SYCE3: variants seen among roughly 807,000 people sequenced by gnomAD.
The protein encoded by SYCE3 is synaptonemal complex central element protein 3.
Under a neutral mutation model 8.1 loss-of-function variants are expected in SYCE3, and 3 were observed. The observed-to-expected ratio is 0.37, with a 90% CI of 0.17 to 0.96. The LOEUF (loss-of-function observed/expected upper bound fraction) is 0.96, where lower values mean the gene tolerates loss of function less well. Among genes scored for constraint, SYCE3 ranks in the 40% least tolerant of loss-of-function variants. The pLI is 0.41. For synonymous variants in SYCE3, 36 were observed against 38.7 expected (o/e 0.93, Z 0.26); for missense variants, 83 against 110.0 (o/e 0.75, Z 1.10).
At chr22:50,558,253 G>A (rs1046644844) in intron 1 of SYCE3, among the ~76,000 whole-genome samples, 1 of 151,982 alleles carries the variant, frequency 6.6e-6, no homozygotes, top group African/African-American at 2.4e-5. Flanking sequence ...GTGAAACCCA[G>A]TCTCTACTAA....
intron 1 of SYCE3, among the ~76,000 whole-genome samples, chr22:50,557,935 G>A (rs2069876963): frequency 6.6e-6 from 1 of 152,082 alleles, no homozygotes; most frequent in South Asian, 2.1e-4. Context: ...CCCTCATCAC[G>A]GTGCCTCTTA....
chr22:50,556,461 C>T, intron 1 of SYCE3, 56 bp from the exon 2 acceptor site: 1 of 1,236,134 alleles, frequency 8.1e-7, no homozygotes. Context: ...TCAAATCCAG[C>T]TCCACTGGTT....
At chr22:50,556,469 G>A (rs1010029696) in intron 1 of SYCE3, 64 bp from the exon 2 acceptor site, 3 of 1,134,546 alleles carry the variant, frequency 2.6e-6, no homozygotes, top group East Asian at 2.6e-5. Flanking sequence ...AGCTCCACTG[G>A]TTATAACTCA....
intron 1 of SYCE3, 65 bp from the exon 2 acceptor site, chr22:50,556,470 T>TTA (rs2069861192): frequency 8.8e-7 from 1 of 1,134,280 alleles, no homozygotes; most frequent in Non-Finnish European, 1.3e-6. Context: ...GCTCCACTGG[T>TTA]TATAACTCAG....
chr22:50,552,378 T>A (rs6520150), intron 2 of SYCE3, among the ~76,000 whole-genome samples: 1 of 151,872 alleles, frequency 6.6e-6, no homozygotes, highest in Non-Finnish European at 1.5e-5. Context: ...CTCGGCCGGG[T>A]GCGGTGGCTC....
intron 2 of SYCE3, among the ~76,000 whole-genome samples, chr22:50,553,669 G>A (rs2069831679): frequency 6.6e-6 from 1 of 152,156 alleles, no homozygotes; most frequent in Non-Finnish European, 1.5e-5. Context: ...TGCAAGTTCC[G>A]TCTCCTGGGT....
intron 1 of SYCE3, among the ~76,000 whole-genome samples, chr22:50,559,059 C>T (rs2069888478): frequency 6.6e-6 from 1 of 152,154 alleles, no homozygotes. Context: ...TCTTTCTTGG[C>T]TCTCTCCTTT....
chr22:50,552,254 G>A (rs1029707412), intron 2 of SYCE3, among the ~76,000 whole-genome samples: 4 of 152,186 alleles, frequency 2.6e-5, no homozygotes, highest in Non-Finnish European at 4.4e-5. Context: ...CAGGGAGGCC[G>A]CAGACTACCT....
intron 1 of SYCE3, among the ~76,000 whole-genome samples, chr22:50,559,195 C>T (rs1007106280): frequency 1.3e-5 from 2 of 151,722 alleles, no homozygotes; most frequent in Non-Finnish European, 2.9e-5. Context: ...GGCGTCATAT[C>T]GGCTCACCAC....
chr22:50,555,793 CTT>C (rs35962439), intron 2 of SYCE3, among the ~76,000 whole-genome samples: 9,444 of 124,284 alleles, frequency 0.076, 555 homozygotes, highest in African/African-American at 0.21. Flanking sequence ...CAATGTACAT[CTT>C]TTTTTTTTTT....
chr22:50,558,281 G>A (rs6010003), intron 1 of SYCE3, among the ~76,000 whole-genome samples: 3,086 of 152,106 alleles, frequency 0.02, 120 homozygotes, highest in African/African-American at 0.07. Context: ...AAAATTAGCC[G>A]GGTGTGGCGG....
intron 1 of SYCE3, among the ~76,000 whole-genome samples, chr22:50,557,205 G>A (rs1442816574): frequency 2.0e-5 from 3 of 147,514 alleles, no homozygotes; most frequent in African/African-American, 5.0e-5. Flanking sequence ...TGCCCAGGCT[G>A]GAGCACAGTG....
intron 2 of SYCE3, among the ~76,000 whole-genome samples, chr22:50,553,292 T>C (rs1490416231): frequency 6.6e-6 from 1 of 152,078 alleles, no homozygotes; most frequent in Non-Finnish European, 1.5e-5. Flanking sequence ...GCAAATTAAA[T>C]CATTGTTTCT....
chr22:50,561,513 T>C (rs1284464545), intron 1 of SYCE3, among the ~76,000 whole-genome samples: 5 of 25,532 alleles, frequency 2.0e-4, no homozygotes, highest in South Asian at 1.3e-3. Flanking sequence ...GGCGGAAGTG[T>C]GGGGCGGGAG....
At position 50,555,793 on chromosome 22, in the gene SYCE3, C is replaced by CT. The variant is rs35962439; in HGVS notation, c.109+503dup. On this transcript the variant is annotated intron_variant, in intron 2 of 2. Coordinates refer to ENST00000406915, the MANE Select transcript of SYCE3 (RefSeq NM_001123225.3). ...CTTTCCAGATCGAACCAATGTACATCTTTTTTTTTTTTTTTTTTGAGACAG... is the reference window on the plus strand; with the variant it reads ...CTTTCCAGATCGAACCAATGTACATCTTTTTTTTTTTTTTTTTTTGAGACAG... Among the ~76,000 whole-genome samples the CT allele has an allele frequency of 2.9e-3, 362 of 124,434 alleles. 5 individuals are homozygous for CT. The South Asian group carries it at 0.03, about 10-fold the overall frequency. The allele number at this position is 124,434 out of a possible 152,430, so 81.6% of individuals were successfully genotyped here.
chr22:50,561,535 G>A (rs114526001), intron 1 of SYCE3, among the ~76,000 whole-genome samples: 2 of 144,304 alleles, frequency 1.4e-5, no homozygotes, highest in African/African-American at 5.4e-5. Flanking sequence ...AGCGTGGGGC[G>A]GGAGGAGTGT....
At chr22:50,559,621 G>C (rs1237401684) in intron 1 of SYCE3, among the ~76,000 whole-genome samples, 1 of 152,146 alleles carries the variant, frequency 6.6e-6, no homozygotes, top group Non-Finnish European at 1.5e-5. Flanking sequence ...GATGAGGCTT[G>C]GACCAGAGTG....
chr22:50,559,193 A>C (rs12157655), intron 1 of SYCE3, among the ~76,000 whole-genome samples: 12,694 of 151,034 alleles, frequency 0.084, 1,180 homozygotes, highest in African/African-American at 0.23. Flanking sequence ...GTGGCGTCAT[A>C]TCGGCTCACC....
chr22:50,560,122 G>C (rs1203846564), intron 1 of SYCE3, among the ~76,000 whole-genome samples: 1 of 152,148 alleles, frequency 6.6e-6, no homozygotes, highest in Admixed American at 6.5e-5. Context: ...AAACATGCCA[G>C]TACCTGGAAT....
Sources: allele counts gnomAD v4.1 joint callset (sites outside exome capture counted in the v4.1 genomes callset), GRCh38; gene constraint gnomAD v4.1.1; transcripts MANE v1.5; gene names NCBI Gene and HGNC (gene_info 2026-07-23, HGNC 2026-07-21).